Variants in FAM133B observed in about 807,000 individuals in gnomAD.
FAM133B encodes the protein family with sequence similarity 133 member B, also known as protein FAM133B.
Under a neutral mutation model 46.4 loss-of-function variants are expected in FAM133B, and 25 were observed. The ratio of observed to expected loss-of-function variants is 0.54; its 90% CI spans 0.39 to 0.75. The LOEUF is 0.75. Among genes scored for constraint, FAM133B ranks in the 30% least tolerant of loss-of-function variants. The pLI, the probability that FAM133B is intolerant of heterozygous loss-of-function variation, is 0.00. For synonymous variants in FAM133B, 75 were observed against 86.0 expected (o/e 0.87, Z 0.71); for missense variants, 205 against 277.6 (o/e 0.74, Z 1.86).
At chr7:92,572,107 A>G (rs1477271150) in intron 8 of FAM133B, among the ~76,000 whole-genome samples, 3 of 152,216 alleles carry the variant, frequency 2.0e-5, no homozygotes, top group Non-Finnish European at 4.4e-5. Context: ...TAGACACAAA[A>G]ACAAAGTAAA....
In FAM133B at chr7:92,590,280, C is replaced by T; in HGVS notation, c.12G>A (p.Arg4=). Residue 4 remains arginine, a synonymous_variant, in exon 1 of 11, where the codon CGG becomes CGA. Transcript: ENST00000445716. MGK[R]DNRVAYMNPI... is the part of the protein sequence containing the mutation. ...GCTGAGTACTCACCACCCGATTGTCCCGCTTCCCCATGGTGCTGGATCGAG... is the reference window on the plus strand; with the variant it reads ...GCTGAGTACTCACCACCCGATTGTCTCGCTTCCCCATGGTGCTGGATCGAG... 1.2e-6 allele frequency: 2 copies of T among 1,613,816 alleles called. No homozygotes were observed. The highest frequency in any genetic ancestry group is 1.7e-6 in the Non-Finnish European group (2 of 1,179,750).
chr7:92,590,062 G>A (rs1795152353), intron 1 of FAM133B: 2 of 637,886 alleles, frequency 3.1e-6, no homozygotes, highest in South Asian at 4.0e-5. Flanking sequence ...GAAAAAAGGG[G>A]CGGGCAAGAG....
At chr7:92,575,334 C>A (rs1234946186) in intron 8 of FAM133B, among the ~76,000 whole-genome samples, 1 of 152,012 alleles carries the variant, frequency 6.6e-6, no homozygotes, top group Admixed American at 6.5e-5. Context: ...ATCAGCTGGG[C>A]GTGGTGACAC....
At chr7:92,577,754 G>A (rs780704473) in intron 5 of FAM133B, 37 bp from the exon 6 acceptor site, 2 of 1,505,818 alleles carry the variant, frequency 1.3e-6, no homozygotes, top group East Asian at 2.4e-5. Context: ...CTTGTGAGAT[G>A]CGAGAATGTT....
At chr7:92,563,959 C>T (rs2116372023) in intron 10 of FAM133B, among the ~76,000 whole-genome samples, 1 of 152,290 alleles carries the variant, frequency 6.6e-6, no homozygotes, top group African/African-American at 2.4e-5. Flanking sequence ...TCTCCTGTAC[C>T]AAAGGATTTA....
Position 92,590,017 on chromosome 7 carries a change from C to T in FAM133B, c.24+251G>A, listed in dbSNP as rs889105578. 23 of 588,346 alleles carry T rather than the reference C, an allele frequency of 3.9e-5. 2 individuals are homozygous for T. Among genetic ancestry groups the T allele is most frequent in the South Asian group, 3.7e-4 (18 of 48,592 alleles). The allele number at this position is 588,346 out of a possible 1,614,324, so 36.4% of individuals were successfully genotyped here. A position where few individuals can be genotyped will look rare whatever the true frequency, so the allele number is the denominator to read the frequency against. On this transcript the variant is annotated intron_variant, in intron 1 of 10. Coordinates refer to ENST00000445716, the MANE Select transcript of FAM133B (RefSeq NM_152789.4). ...CGCGTACAGCAGGCAAGAGTGCAAA[C>T]CAGCAGCGCCAGAAAGAGCGACGAG... is the stretch of plus-strand genomic sequence containing the variant.
chr7:92,567,989 C>G (rs1356878863), intron 9 of FAM133B, among the ~76,000 whole-genome samples: 1 of 152,140 alleles, frequency 6.6e-6, no homozygotes, highest in South Asian at 2.1e-4. Context: ...GTCTTTAACT[C>G]CCGACCTCAG....
chr7:92,569,357 G>A (rs1029100064), intron 9 of FAM133B, among the ~76,000 whole-genome samples: 3 of 152,060 alleles, frequency 2.0e-5, no homozygotes, highest in East Asian at 1.9e-4. Flanking sequence ...TTCTCACAAC[G>A]AAGTAATATG....
chr7:92,568,660 G>A (rs543802721), intron 9 of FAM133B, among the ~76,000 whole-genome samples: 7 of 151,796 alleles, frequency 4.6e-5, no homozygotes, highest in African/African-American at 7.3e-5. Flanking sequence ...GAGCCACTGC[G>A]CCTGGCCTGG....
intron 8 of FAM133B, among the ~76,000 whole-genome samples, chr7:92,574,949 C>G (rs1794651589): frequency 6.6e-6 from 1 of 151,000 alleles, no homozygotes. Context: ...TGAGTAAAAA[C>G]TAGTGACACT....
intron 3 of FAM133B, 169 bp downstream of exon 3, chr7:92,579,148 T>C (rs1794788663): frequency 3.4e-6 from 2 of 579,736 alleles, no homozygotes; most frequent in Non-Finnish European, 6.1e-6. Flanking sequence ...AGGTATTTTC[T>C]TTTTTTTAAT....
intron 8 of FAM133B, among the ~76,000 whole-genome samples, chr7:92,572,927 C>G (rs929947032): frequency 2.0e-5 from 3 of 151,826 alleles, no homozygotes; most frequent in African/African-American, 7.3e-5. Context: ...TAGATGTCAA[C>G]AGTAATGCTG....
chr7:92,574,021 A>T (rs774150802), intron 8 of FAM133B, among the ~76,000 whole-genome samples: 140 of 152,174 alleles, frequency 9.2e-4, no homozygotes, highest in Non-Finnish European at 1.6e-3. Context: ...AAAATTAATT[A>T]AAAAAAATTT....
At chr7:92,570,011 T>A in intron 8 of FAM133B, 96 bp from the exon 9 acceptor site, 1 of 490,750 alleles carries the variant, frequency 2.0e-6, no homozygotes, top group Non-Finnish European at 3.3e-6. Context: ...ATTATTATAA[T>A]TACCCATTTT....
intron 6 of FAM133B, 190 bp from the exon 7 acceptor site, chr7:92,577,385 G>T: frequency 2.2e-6 from 1 of 450,340 alleles, no homozygotes; most frequent in Non-Finnish European, 3.9e-6. Context: ...GTAATGCCTA[G>T]CATCTAGTCA....
At chr7:92,583,305 C>T (rs1257424669) in intron 1 of FAM133B, among the ~76,000 whole-genome samples, 1 of 152,058 alleles carries the variant, frequency 6.6e-6, no homozygotes, top group Non-Finnish European at 1.5e-5. Flanking sequence ...TAACCAGGGT[C>T]TGGGGAGAAG....
chr7:92,581,214 T>G (rs1794858661), intron 2 of FAM133B, among the ~76,000 whole-genome samples: 1 of 152,230 alleles, frequency 6.6e-6, no homozygotes, highest in Non-Finnish European at 1.5e-5. Context: ...TTAAACTCAC[T>G]AAATAGCTTT....
chr7:92,565,043 A>T (rs1794297294), intron 10 of FAM133B, among the ~76,000 whole-genome samples: 1 of 151,858 alleles, frequency 6.6e-6, no homozygotes, highest in Non-Finnish European at 1.5e-5. Context: ...GATTTGGCTG[A>T]TTTGGAAGTA....
intron 7 of FAM133B, among the ~76,000 whole-genome samples, chr7:92,576,354 A>G (rs1345944843): frequency 1.3e-5 from 2 of 151,792 alleles, no homozygotes; most frequent in African/African-American, 2.4e-5. Context: ...AGCTATCATT[A>G]TCATGAGACT....
Sources: gnomAD v4.1 joint callset for allele counts (sites outside exome capture counted in the v4.1 genomes callset) on GRCh38, gnomAD v4.1.1 for gene constraint, MANE v1.5 for transcripts, NCBI Gene and HGNC (gene_info 2026-07-23, HGNC 2026-07-21) for gene names.